USP9Y: variants seen among roughly 807,000 people sequenced by gnomAD.
USP9Y encodes ubiquitin specific peptidase 9 Y-linked, also known as ubiquitin carboxyl-terminal hydrolase 9Y.
A neutral mutation model predicts 53.1 loss-of-function variants in USP9Y; 41 were observed. The ratio of observed to expected loss-of-function variants is 0.77; its 90% CI spans 0.60 to 1.00. The LOEUF is 1.00. Among genes scored for constraint, USP9Y ranks in the 50% least tolerant of loss-of-function variants. The probability of loss-of-function intolerance (pLI) is 0.00; values close to 1 mark genes in which losing one functional copy is unlikely to be tolerated. For synonymous variants in USP9Y, 220 were observed against 173.7 expected (o/e 1.27, Z -2.09); for missense variants, 567 against 535.8 (o/e 1.06, Z -0.58).
intron 27 of USP9Y, among the ~76,000 whole-genome samples, chrY:12,807,338 C>CTT (rs782722873): frequency 9.1e-4 from 2 of 2,195 alleles, no homozygotes; most frequent in Non-Finnish European, 1.9e-3. Flanking sequence ...AGGCTTAACT[C>CTT]TTTTTTTTTT....
At chrY:12,857,038 G>T in intron 44 of USP9Y, 193 bp downstream of exon 44, 1 of 129,689 alleles carries the variant, frequency 7.7e-6, no homozygotes, top group African/African-American at 8.9e-5. Context: ...AAAAATTTCT[G>T]TGAAATTGTC....
At chrY:12,731,423 A>G (rs2053447079) in intron 7 of USP9Y, among the ~76,000 whole-genome samples, 1 of 33,521 alleles carries the variant, frequency 3.0e-5, no homozygotes, top group Non-Finnish European at 7.4e-5. Flanking sequence ...TAGCTGTAAC[A>G]GTCTATTTTA....
chrY:12,860,204 ATTC>A lies in USP9Y; in HGVS notation c.*792_*794del. On this transcript the variant is annotated 3_prime_UTR_variant, in exon 46 of 46. Coordinates refer to ENST00000338981, the MANE Select transcript of USP9Y (RefSeq NM_004654.4). ...ACAAGCAGTTTTTCATTGCACACAT[ATTC>A]TTCACATTTAATGTTTGATAGTTCA... 3.0e-5 allele frequency: 1 copy of A among 33,686 alleles called. No homozygotes were observed. The highest frequency in any genetic ancestry group is 1.1e-4 in the African/African-American group (1 of 8,720). The allele number at this position is 33,686 out of a possible 400,897, so 8.4% of individuals were successfully genotyped here.
At chrY:12,762,748 G>A (rs2053476602) in intron 15 of USP9Y, among the ~76,000 whole-genome samples, 1 of 33,501 alleles carries the variant, frequency 3.0e-5, no homozygotes, top group African/African-American at 1.2e-4. Flanking sequence ...CTAGAACATA[G>A]TATTTGCCAG....
At chrY:12,714,707 G>A (rs2053429178) in intron 3 of USP9Y, among the ~76,000 whole-genome samples, 1 of 26,033 alleles carries the variant, frequency 3.8e-5, no homozygotes, top group Non-Finnish European at 8.6e-5. Flanking sequence ...ACCTGCAATC[G>A]CCTCCCAAAG....
intron 27 of USP9Y, among the ~76,000 whole-genome samples, chrY:12,809,802 C>A: frequency 6.1e-5 from 2 of 32,581 alleles, no homozygotes; most frequent in Non-Finnish European, 1.5e-4. Flanking sequence ...AGGGTGTTTC[C>A]AGGCATTTCC....
Position 12,773,795 on chromosome Y carries a change from C to A in USP9Y, c.2201C>A (p.Thr734Asn). The A allele has an allele frequency of 2.5e-6, 1 of 397,793 alleles. No individual in the cohort carries two copies. The highest frequency in any genetic ancestry group is 3.5e-6 in the Non-Finnish European group (1 of 283,036). The change falls in exon 17 of 46, where the codon ACT (threonine) becomes AAT (asparagine). Residue 734 changes from threonine (T) to asparagine (N), a missense_variant. Coordinates refer to ENST00000338981, the MANE Select transcript of USP9Y (RefSeq NM_004654.4). ...NVLQLDPSLLTENGMKCFERF... is the reference protein window; with the variant it reads ...NVLQLDPSLLNENGMKCFERF... Reference sequence around the variant, plus strand: ...CTTCAGCTTGATCCTTCCCTTTTAACTGAAAATGGAATGAAATGCTTTGAA... The same window carrying A: ...CTTCAGCTTGATCCTTCCCTTTTAAATGAAAATGGAATGAAATGCTTTGAA...
At chrY:12,835,778 A>C in intron 34 of USP9Y, among the ~76,000 whole-genome samples, 4 of 33,446 alleles carry the variant, frequency 1.2e-4, no homozygotes, top group Non-Finnish European at 2.2e-4. Flanking sequence ...TCGCACCACT[A>C]TGCTCTAGAC....
At chrY:12,859,151 C>CT (rs2053580783) in intron 45 of USP9Y, 128 bp from the exon 46 acceptor site, 68 of 148,696 alleles carry the variant, frequency 4.6e-4, no homozygotes, top group East Asian at 2.8e-3. Flanking sequence ...ATTGTAAGTT[C>CT]TTTTTTTTTT....
At chrY:12,800,462 C>T (rs2053518122) in intron 27 of USP9Y, among the ~76,000 whole-genome samples, 1 of 33,558 alleles carries the variant, frequency 3.0e-5, no homozygotes, top group South Asian at 6.7e-4. Context: ...AGTTGACCGC[C>T]GGTGACCAGA....
At chrY:12,839,387 CAT>C (rs2053558245) in intron 35 of USP9Y, among the ~76,000 whole-genome samples, 1 of 33,096 alleles carries the variant, frequency 3.0e-5, no homozygotes. Flanking sequence ...TTCCTCTAAA[CAT>C]GTATGAAAAA....
intron 32 of USP9Y, among the ~76,000 whole-genome samples, chrY:12,817,092 T>C (rs2053537240): frequency 3.0e-5 from 1 of 33,018 alleles, no homozygotes; most frequent in Non-Finnish European, 7.5e-5. Context: ...AACCCCGATT[T>C]TACTAAAAAC....
chrY:12,767,794 G>A, intron 15 of USP9Y, among the ~76,000 whole-genome samples: 1 of 32,510 alleles, frequency 3.1e-5, no homozygotes, highest in Non-Finnish European at 7.5e-5. Context: ...TAGGTCCTCT[G>A]GTGTCATTCA....
At chrY:12,768,602 C>T in intron 15 of USP9Y, among the ~76,000 whole-genome samples, 4 of 32,379 alleles carry the variant, frequency 1.2e-4, no homozygotes, top group Non-Finnish European at 2.3e-4. Flanking sequence ...CCACTGTACC[C>T]GGCCTTTTCT....
intron 6 of USP9Y, among the ~76,000 whole-genome samples, chrY:12,725,550 A>G (rs2053441443): frequency 3.0e-5 from 1 of 33,631 alleles, no homozygotes; most frequent in African/African-American, 1.2e-4. Context: ...CAGACTCTCA[A>G]TGTAGCTGGG....
chrY:12,743,168 A>AT (rs1449506488), intron 12 of USP9Y, among the ~76,000 whole-genome samples: 4 of 29,790 alleles, frequency 1.3e-4, no homozygotes, highest in Admixed American at 6.2e-4. Context: ...GTATTTTGGA[A>AT]TTTTTTTTTT....
chrY:12,713,790 T>TTG (rs2053427524), intron 3 of USP9Y, among the ~76,000 whole-genome samples: 21 of 31,411 alleles, frequency 6.7e-4, no homozygotes, highest in African/African-American at 2.3e-3. Context: ...TTGTTTTTGT[T>TTG]TTTTTTTTGG....
At chrY:12,849,957 G>A (rs905004099) in intron 42 of USP9Y, among the ~76,000 whole-genome samples, 634 of 32,321 alleles carry the variant, frequency 0.02, no homozygotes, top group Non-Finnish European at 0.037. Flanking sequence ...TGCTGGCCTC[G>A]TAAAATGAAT....
intron 1 of USP9Y, among the ~76,000 whole-genome samples, chrY:12,704,145 G>A: frequency 3.0e-5 from 1 of 33,741 alleles, no homozygotes. Flanking sequence ...TCAGGAGCTC[G>A]AGACCATCCT....
Sources: allele counts gnomAD v4.1 joint callset (sites outside exome capture counted in the v4.1 genomes callset), GRCh38; gene constraint gnomAD v4.1.1; transcripts MANE v1.5; gene names NCBI Gene and HGNC (gene_info 2026-07-23, HGNC 2026-07-21).